Variants in RPS6KA5 observed in about 807,000 individuals in gnomAD.
RPS6KA5 encodes the protein ribosomal protein S6 kinase alpha-5.
In RPS6KA5, 27 loss-of-function variants were observed where a neutral mutation model predicts 85.5. That is an observed-to-expected ratio of 0.32 (90% CI 0.23 to 0.44). The LOEUF is 0.44. RPS6KA5 is among the 20% of genes least tolerant of loss of function. The pLI, the probability that RPS6KA5 is intolerant of heterozygous loss-of-function variation, is 1.00. For missense variants in RPS6KA5, 811 were observed against 980.9 expected, an observed-to-expected ratio of 0.83 and a Z score of 2.31; for synonymous variants, 334 against 348.2, an observed-to-expected ratio of 0.96 and a Z score of 0.46.
chr14:90,985,135 G>T (rs1271744353), intron 2 of RPS6KA5, among the ~76,000 whole-genome samples: 2 of 152,046 alleles, frequency 1.3e-5, no homozygotes, highest in African/African-American at 4.8e-5. Context: ...TAGAAATGGG[G>T]TTTTTCCATG....
chr14:90,990,331 C>T (rs1036190365), intron 2 of RPS6KA5, among the ~76,000 whole-genome samples: 5 of 152,104 alleles, frequency 3.3e-5, no homozygotes, highest in South Asian at 2.1e-4. Context: ...CAATGAGATA[C>T]CATCTCACAC....
intron 3 of RPS6KA5, among the ~76,000 whole-genome samples, chr14:90,973,874 C>A (rs1042749794): frequency 1.8e-4 from 28 of 151,630 alleles, no homozygotes; most frequent in African/African-American, 6.5e-4. Flanking sequence ...CCCGTCTCTA[C>A]TAAAAATACA....
At chr14:90,957,989 A>G (rs2038612024) in intron 3 of RPS6KA5, among the ~76,000 whole-genome samples, 1 of 152,046 alleles carries the variant, frequency 6.6e-6, no homozygotes, top group African/African-American at 2.4e-5. Flanking sequence ...AAAAAAAATA[A>G]AAATAAAAAA....
chr14:90,925,565 C>A (rs990002590), intron 5 of RPS6KA5, among the ~76,000 whole-genome samples: 43 of 152,108 alleles, frequency 2.8e-4, no homozygotes, highest in Admixed American at 2.8e-3. Flanking sequence ...CAGAGATATT[C>A]TCACAACTTA....
chr14:90,898,822 T>G (rs2034992524), intron 12 of RPS6KA5, among the ~76,000 whole-genome samples: 1 of 152,198 alleles, frequency 6.6e-6, no homozygotes, highest in South Asian at 2.1e-4. Context: ...TGGCCAGGGT[T>G]CTGAGCAGAA....
chr14:90,898,136 G>T (rs529976038), intron 12 of RPS6KA5, among the ~76,000 whole-genome samples: 6 of 152,290 alleles, frequency 3.9e-5, no homozygotes, highest in African/African-American at 1.2e-4. Context: ...ATAAAAGCTT[G>T]TTGGGCTCTG....
At chr14:91,058,645 T>C (rs987181359) in intron 1 of RPS6KA5, among the ~76,000 whole-genome samples, 1 of 152,156 alleles carries the variant, frequency 6.6e-6, no homozygotes, top group African/African-American at 2.4e-5. Context: ...TCCGAATAAA[T>C]GTATACTGAG....
chr14:90,880,318 T>G (rs1354016805), intron 14 of RPS6KA5, among the ~76,000 whole-genome samples: 1 of 152,206 alleles, frequency 6.6e-6, no homozygotes, highest in Non-Finnish European at 1.5e-5. Flanking sequence ...AACCACCATT[T>G]TACTTTCTGT....
At chr14:91,041,419 G>C (rs2042602406) in intron 1 of RPS6KA5, among the ~76,000 whole-genome samples, 1 of 152,128 alleles carries the variant, frequency 6.6e-6, no homozygotes, top group African/African-American at 2.4e-5. Context: ...TGCTATTTGA[G>C]ATTATTTTTT....
rs34807092 is a variant in RPS6KA5, at chr14:91,056,867, C to CTTTTTTTTTTTTTTT, written c.103+3450_103+3464dup. ...ACTGTTATACTTAAGGCAGTATTATCTTTTTTTTTTTTTTTTTTTTTTTTT... is the reference window on the plus strand; with the variant it reads ...ACTGTTATACTTAAGGCAGTATTATCTTTTTTTTTTTTTTTTTTTTTTTTTTTTTTTTTTTTTTTT... On this transcript the variant is annotated intron_variant, in intron 1 of 16. Transcript: ENST00000614987. 2.6e-4 allele frequency among the ~76,000 whole-genome samples: 10 copies of CTTTTTTTTTTTTTTT among 38,876 alleles called. 2 individuals carry two copies. Among genetic ancestry groups the CTTTTTTTTTTTTTTT allele is most frequent in the East Asian group, 1.0e-3 (1 of 986 alleles). The allele number at this position is 38,876 out of a possible 152,430, so 25.5% of individuals were successfully genotyped here.
intron 1 of RPS6KA5, among the ~76,000 whole-genome samples, chr14:91,020,466 G>C (rs1271768579): frequency 1.3e-5 from 2 of 151,462 alleles, no homozygotes; most frequent in Non-Finnish European, 2.9e-5. Flanking sequence ...TAAGGGACTT[G>C]AGCATCCACA....
chr14:90,918,845 A>G (rs1191334124), intron 7 of RPS6KA5, among the ~76,000 whole-genome samples: 1 of 152,230 alleles, frequency 6.6e-6, no homozygotes, highest in East Asian at 1.9e-4. Context: ...TGACACCAAT[A>G]TCACAATGTC....
intron 1 of RPS6KA5, among the ~76,000 whole-genome samples, chr14:91,003,841 T>C (rs1027130597): frequency 2.6e-5 from 4 of 152,216 alleles, no homozygotes; most frequent in Non-Finnish European, 5.9e-5. Context: ...AACCACTCTC[T>C]TCCACCTCAA....
Position 91,037,307 on chromosome 14 carries a change from T to A in RPS6KA5, c.103+23025A>T, listed in dbSNP as rs118076353. On this transcript the variant is annotated intron_variant, in intron 1 of 16. Transcript: ENST00000614987. ...GTCATCTTTCTTGCCCCATGACCTA[T>A]CCTAGTCACTGCCCCAAATCTCTGT... Among the ~76,000 whole-genome samples the A allele has an allele frequency of 3.5e-3, 531 of 152,266 alleles. 5 individuals carry two copies. Among genetic ancestry groups the A allele is most frequent in the Non-Finnish European group, 4.1e-3 (278 of 68,018 alleles).
At position 90,894,560 on chromosome 14, in the gene RPS6KA5, T is replaced by C. The variant is rs1800529886; in HGVS notation, c.1497A>G (p.Glu499=). ...CAAACAGTTCTCCTCCATTCAGAAG[T>C]TCCATCACTAGAAACGTGTGAAGCT... The part of the protein sequence containing the change: ...HDQLHTFLVM[E]LLNGGELFER... The change falls in exon 13 of 17, where the codon GAA becomes GAG. Residue 499 remains glutamate, a synonymous_variant. Transcript: ENST00000614987. 2 of 1,614,112 alleles carry C rather than the reference T, an allele frequency of 1.2e-6. No individual in the cohort carries two copies. Among genetic ancestry groups the C allele is most frequent in the Non-Finnish European group, 1.7e-6 (2 of 1,179,964 alleles).
At position 90,857,413 on chromosome 14, in the gene RPS6KA5, C is replaced by T. The variant is rs1486293929; in HGVS notation, c.*14661G>A. On this transcript the variant is annotated 3_prime_UTR_variant, in exon 17 of 17. Transcript: ENST00000614987. ...CAAAAACAGAAGTTAAAATGGGAAA[C>T]CACAGTAGGATGATTCTTCATCAGA... 6.6e-6 allele frequency: 1 copy of T among 152,108 alleles called. No homozygotes were observed. The allele number at this position is 152,108 out of a possible 1,614,324, so 9.4% of individuals were successfully genotyped here. A position where few individuals can be genotyped will look rare whatever the true frequency, so the allele number is the denominator to read the frequency against.
In RPS6KA5 at chr14:90,852,374, C is replaced by T. The variant is rs1638640794; in HGVS notation, c.*19700G>A. ...ACTTTTGTTTAAAAAATGGAAATTT[C>T]TTCTAAAATGGTTTTTCAAAGCTAT... On this transcript the variant is annotated 3_prime_UTR_variant, in exon 17 of 17. Coordinates refer to ENST00000614987, the MANE Select transcript of RPS6KA5 (RefSeq NM_004755.4). The T allele has an allele frequency of 6.6e-6, 1 of 152,092 alleles. No homozygotes were observed. Among genetic ancestry groups the T allele is most frequent in the African/African-American group, 2.4e-5 (1 of 41,412 alleles). The allele number at this position is 152,092 out of a possible 1,614,324, so 9.4% of individuals were successfully genotyped here.
At position 90,890,671 on chromosome 14, in the gene RPS6KA5, A is replaced by G; in HGVS notation, c.1652T>C (p.Leu551Ser). 6.2e-7 allele frequency: 1 copy of G among 1,613,208 alleles called. No homozygotes were observed. The highest frequency in any genetic ancestry group is 2.2e-5 in the East Asian group (1 of 44,866). Reference sequence around the variant, plus strand: ...CAAATTGTCATTTTCATCGGTGAACAATAAATTCTGCAAGATATCAATGCT... The same window carrying G: ...CAAATTGTCATTTTCATCGGTGAACGATAAATTCTGCAAGATATCAATGCT... ...VHRDLKPENL[L>S]FTDENDNLEI... is the part of the protein sequence containing the mutation. Residue 551 changes from leucine to serine, a missense_variant, in exon 14 of 17, where the codon TTG becomes TCG. Physicochemically the swap from Leu to Ser is moderately radical, Grantham distance 145 (BLOSUM62 -2). Coordinates refer to ENST00000614987, the MANE Select transcript of RPS6KA5 (RefSeq NM_004755.4).
chr14:91,034,271 C>T (rs571279379), intron 1 of RPS6KA5, among the ~76,000 whole-genome samples: 5 of 150,430 alleles, frequency 3.3e-5, no homozygotes, highest in African/African-American at 1.2e-4. Context: ...CACCATTGCA[C>T]TCCAGCCTGG....
Sources: gnomAD v4.1 joint callset for allele counts (sites outside exome capture counted in the v4.1 genomes callset) on GRCh38, gnomAD v4.1.1 for gene constraint, MANE v1.5 for transcripts, NCBI Gene and HGNC (gene_info 2026-07-23, HGNC 2026-07-21) for gene names.